The following WNT7A variants were observed in gnomAD, a reference collection of about 807,000 sequenced individuals.
WNT7A encodes the protein protein Wnt-7a.
WNT7A carries 16 observed loss-of-function variants against 28.2 expected under a neutral mutation model. The observed-to-expected ratio is 0.57, with a 90% CI of 0.38 to 0.86. The LOEUF (loss-of-function observed/expected upper bound fraction) is 0.86, where lower values mean the gene tolerates loss of function less well. Among genes scored for constraint, WNT7A ranks in the 40% least tolerant of loss-of-function variants. WNT7A has a pLI of 0.00. For missense variants in WNT7A, 411 were observed against 489.7 expected (o/e 0.84, Z 1.52); for synonymous variants, 190 against 195.9 (o/e 0.97, Z 0.25).
In WNT7A at chr3:13,874,978, C is replaced by T; in HGVS notation, c.267G>A (p.Glu89=). The change falls in exon 2 of 4, where the codon GAG becomes GAA. Residue 89 remains glutamate, a synonymous_variant. Coordinates refer to ENST00000285018, the MANE Select transcript of WNT7A (RefSeq NM_004625.4). ...TGAGCTCCTTCCCGAAGACGGTGCG[C>T]TCTCCCAGTGCAGAGCAGTTCCAGC... ...NGRWNCSALG[E]RTVFGKELKV... is the part of the protein sequence containing the mutation. The T allele has an allele frequency of 5.6e-6, 9 of 1,614,162 alleles. No individual in the cohort carries two copies. The highest frequency in any genetic ancestry group is 1.1e-5 in the South Asian group (1 of 91,078).
At position 13,877,532 on chromosome 3, in the gene WNT7A, C is replaced by T. The variant is rs957848102; in HGVS notation, c.71+2214G>A. Among the ~76,000 whole-genome samples the T allele has an allele frequency of 6.6e-5, 10 of 152,228 alleles. 1 individual carries two copies. The highest frequency in any genetic ancestry group is 2.4e-4 in the African/African-American group (10 of 41,460). On this transcript the variant is annotated intron_variant, in intron 1 of 3. Transcript: ENST00000285018. ...AGCTGAGAGTGGATAGGTTGGCATACTGGGGCCAAAAATTCATAGGTGCAA... is the reference window on the plus strand; with the variant it reads ...AGCTGAGAGTGGATAGGTTGGCATATTGGGGCCAAAAATTCATAGGTGCAA...
chr3:13,819,950 G>A (rs1208404325), intron 3 of WNT7A, among the ~76,000 whole-genome samples: 1 of 152,130 alleles, frequency 6.6e-6, no homozygotes, highest in African/African-American at 2.4e-5. Flanking sequence ...ATAAGAGAAG[G>A]CAACATTTTA....
At chr3:13,821,777 C>G (rs373316630) in intron 3 of WNT7A, among the ~76,000 whole-genome samples, 2 of 152,216 alleles carry the variant, frequency 1.3e-5, no homozygotes, top group East Asian at 3.9e-4. Flanking sequence ...ATTCCCAGGG[C>G]GGGGAGGGGC....
chr3:13,871,612 T>G (rs572988831), intron 2 of WNT7A, among the ~76,000 whole-genome samples: 11 of 151,552 alleles, frequency 7.3e-5, no homozygotes, highest in African/African-American at 2.7e-4. Flanking sequence ...CACCCTCCCT[T>G]CTTCCTAGCT....
In WNT7A at chr3:13,818,807, T is replaced by C; in HGVS notation, c.*137A>G. On this transcript the variant is annotated 3_prime_UTR_variant, in exon 4 of 4. Coordinates refer to ENST00000285018, the MANE Select transcript of WNT7A (RefSeq NM_004625.4). Reference sequence around the variant, plus strand: ...AGATTTTTTTTCCCCCACGGATGCCTGCAGGAAACCCAGGAAAAGTACCCT... The same window carrying C: ...AGATTTTTTTTCCCCCACGGATGCCCGCAGGAAACCCAGGAAAAGTACCCT... 1 of 1,346,594 alleles carries C rather than the reference T, an allele frequency of 7.4e-7. No individual in the cohort carries two copies. Among genetic ancestry groups the C allele is most frequent in the Non-Finnish European group, 9.8e-7 (1 of 1,021,046 alleles). 83.4% of individuals were successfully genotyped at this position (1,346,594 alleles called of 1,614,324 possible). A position where few individuals can be genotyped will look rare whatever the true frequency, so the allele number is the denominator to read the frequency against.
chr3:13,836,669 G>A (rs1575063198), intron 3 of WNT7A, among the ~76,000 whole-genome samples: 1 of 152,216 alleles, frequency 6.6e-6, no homozygotes, highest in South Asian at 2.1e-4. Context: ...AGCCCAGATA[G>A]TCAGGGAGAC....
At chr3:13,860,841 G>A (rs746731716) in intron 2 of WNT7A, among the ~76,000 whole-genome samples, 7 of 152,116 alleles carry the variant, frequency 4.6e-5, no homozygotes, top group Admixed American at 1.3e-4. Context: ...CTGCAAGGGT[G>A]GTCTGTTCTA....
rs112943377 is a variant in WNT7A at position 13,878,777 on chromosome 3, G to T, written c.71+969C>A. 6.9e-3 allele frequency among the ~76,000 whole-genome samples: 1,057 copies of T among 152,244 alleles called. 21 individuals are homozygous for T. Among genetic ancestry groups the T allele is most frequent in the African/African-American group, 0.024 (1,009 of 41,542 alleles). ...GCAGGGTGTGTGAGACCTACCAAGC[G>T]GGCCCTTCAGCGCCAGAACCTCTAT... On this transcript the variant is annotated intron_variant, in intron 1 of 3. Coordinates refer to ENST00000285018, the MANE Select transcript of WNT7A (RefSeq NM_004625.4).
chr3:13,845,193 G>A (rs1010757061), intron 3 of WNT7A, among the ~76,000 whole-genome samples: 2 of 152,156 alleles, frequency 1.3e-5, no homozygotes, highest in Non-Finnish European at 2.9e-5. Flanking sequence ...GACCCCCTTG[G>A]GCTGGCAGGA....
intron 3 of WNT7A, among the ~76,000 whole-genome samples, chr3:13,820,131 T>C (rs893157178): frequency 6.6e-6 from 1 of 152,170 alleles, no homozygotes; most frequent in Admixed American, 6.5e-5. Context: ...TCCTCCACCA[T>C]CCTAAGTCAT....
Position 13,852,474 on chromosome 3 carries a change from C to T in WNT7A, c.570+2058G>A, listed in dbSNP as rs555999702. Among the ~76,000 whole-genome samples, 9 of 152,264 alleles carry T rather than the reference C, an allele frequency of 5.9e-5. No individual in the cohort carries two copies. In the South Asian group the frequency reaches 1.7e-3, roughly 28 times the overall value. ...GGGTCCCATGCCTTTGAGTAAATGG[C>T]GTGTTGCAAAATCCTGGGGAACTGA... On this transcript the variant is annotated intron_variant, in intron 3 of 3. Coordinates refer to ENST00000285018, the MANE Select transcript of WNT7A (RefSeq NM_004625.4).
chr3:13,833,142 C>T lies in WNT7A; in HGVS notation c.571-13719G>A, dbSNP rs34620223. Among the ~76,000 whole-genome samples the T allele has an allele frequency of 8.6e-3, 1,309 of 152,200 alleles. 14 individuals carry two copies. The highest frequency in any genetic ancestry group is 0.014 in the Non-Finnish European group (977 of 68,004). ...CCATGTGCTCACACATACACAACCTCCCCAGGCATGGCCCCATGCAACCCC... is the reference window on the plus strand; with the variant it reads ...CCATGTGCTCACACATACACAACCTTCCCAGGCATGGCCCCATGCAACCCC... On this transcript the variant is annotated intron_variant, in intron 3 of 3. Transcript: ENST00000285018.
At chr3:13,878,610 G>T (rs1695151119) in intron 1 of WNT7A, among the ~76,000 whole-genome samples, 1 of 152,176 alleles carries the variant, frequency 6.6e-6, no homozygotes, top group South Asian at 2.1e-4. Flanking sequence ...CTCCAGAGAC[G>T]TGGACTGGGG....
chr3:13,832,364 CACAGGCTCCTCCCACTCCTCCTCCTCT>C (rs1694295262), intron 3 of WNT7A, among the ~76,000 whole-genome samples: 1 of 151,466 alleles, frequency 6.6e-6, no homozygotes, highest in African/African-American at 2.4e-5. Flanking sequence ...CCTCATCCTC[CACAGGCTCCTCCCACTCCTCCTCCTCT>C]ACAGGCTCCT....
intron 3 of WNT7A, among the ~76,000 whole-genome samples, chr3:13,825,668 C>T (rs1020388791): frequency 3.3e-5 from 5 of 152,180 alleles, no homozygotes; most frequent in Admixed American, 6.5e-5. Context: ...CTCCAGCTGT[C>T]AGATCCTTCA....
chr3:13,865,595 G>A (rs746159135), intron 2 of WNT7A, among the ~76,000 whole-genome samples: 11 of 152,214 alleles, frequency 7.2e-5, no homozygotes, highest in East Asian at 1.9e-4. Context: ...GTAAACAGCC[G>A]TCACTCACGC....
rs1483143331 is a variant in WNT7A, at chr3:13,868,806, AAGAAAG to A, written c.298+6135_298+6140del. On this transcript the variant is annotated intron_variant, in intron 2 of 3. Coordinates refer to ENST00000285018, the MANE Select transcript of WNT7A (RefSeq NM_004625.4). ...GAAGGAAGGAAGGGAGAGAGAGAGA[AAGAAAG>A]AGAGAGAGAGAGAAAGAGAGAAAGA... Among the ~76,000 whole-genome samples the A allele has an allele frequency of 9.6e-4, 40 of 41,764 alleles. 1 individual carries two copies. Among genetic ancestry groups the A allele is most frequent in the Non-Finnish European group, 1.2e-3 (28 of 23,254 alleles). The allele number at this position is 41,764 out of a possible 152,430, so 27.4% of individuals were successfully genotyped here. A position where few individuals can be genotyped will look rare whatever the true frequency, so the allele number is the denominator to read the frequency against.
chr3:13,877,547 C>A (rs1160919754), intron 1 of WNT7A, among the ~76,000 whole-genome samples: 1 of 152,228 alleles, frequency 6.6e-6, no homozygotes, highest in African/African-American at 2.4e-5. Context: ...GCCAAAAATT[C>A]ATAGGTGCAA....
chr3:13,862,096 C>T (rs1363391743), intron 2 of WNT7A, among the ~76,000 whole-genome samples: 1 of 152,252 alleles, frequency 6.6e-6, no homozygotes, highest in East Asian at 1.9e-4. Flanking sequence ...GTCTCAGCTT[C>T]CCCATCTGTG....
Sources: allele counts gnomAD v4.1 joint callset (sites outside exome capture counted in the v4.1 genomes callset), GRCh38; gene constraint gnomAD v4.1.1; transcripts MANE v1.5; gene names NCBI Gene and HGNC (gene_info 2026-07-23, HGNC 2026-07-21).